Variants in ABTB3 observed in about 807,000 individuals in gnomAD.
ABTB3 encodes ankyrin repeat- and BTB/POZ domain-containing protein 3.
chr12:107,407,521 T>C, the ABTB3 span, among the ~76,000 whole-genome samples: 2 of 152,342 alleles, frequency 1.3e-5, no homozygotes, highest in African/African-American at 4.8e-5. Flanking sequence ...CTCATGGCGC[T>C]GCAGAAGTGC....
chr12:107,357,895 G>A, the ABTB3 span, among the ~76,000 whole-genome samples: 4 of 152,200 alleles, frequency 2.6e-5, no homozygotes, highest in Non-Finnish European at 4.4e-5. Flanking sequence ...AAATAACACA[G>A]TTGGCACCCA....
the ABTB3 span, among the ~76,000 whole-genome samples, chr12:107,646,413 G>C: frequency 6.6e-6 from 1 of 150,868 alleles, no homozygotes; most frequent in Non-Finnish European, 1.5e-5. Context: ...TGTTCAGGGC[G>C]GTCATTCTTA....
At chr12:107,638,423 C>G in the ABTB3 span, among the ~76,000 whole-genome samples, 1 of 152,296 alleles carries the variant, frequency 6.6e-6, no homozygotes, top group East Asian at 1.9e-4. Flanking sequence ...CCCAGGAAGA[C>G]AGGGGCTTGG....
the ABTB3 span, among the ~76,000 whole-genome samples, chr12:107,586,416 TTC>T: frequency 1.3e-5 from 2 of 152,048 alleles, no homozygotes; most frequent in Non-Finnish European, 2.9e-5. Flanking sequence ...AGTCAGAAAC[TTC>T]TCTCTCCTCT....
the ABTB3 span, among the ~76,000 whole-genome samples, chr12:107,539,462 A>G: frequency 6.6e-6 from 1 of 152,082 alleles, no homozygotes; most frequent in Non-Finnish European, 1.5e-5. Context: ...TCTCTAAAAC[A>G]TGAGAATGGA....
At chr12:107,322,237 G>A in the ABTB3 span, among the ~76,000 whole-genome samples, 31 of 152,148 alleles carry the variant, frequency 2.0e-4, no homozygotes, top group Non-Finnish European at 3.4e-4. Flanking sequence ...AGTGTGTGAC[G>A]GTTGGGGTTT....
chr12:107,521,175 A>G, the ABTB3 span, among the ~76,000 whole-genome samples: 1 of 152,080 alleles, frequency 6.6e-6, no homozygotes, highest in Non-Finnish European at 1.5e-5. Context: ...TGAGATAATT[A>G]TCGTTGGCTA....
At chr12:107,427,386 A>G in the ABTB3 span, among the ~76,000 whole-genome samples, 2 of 148,892 alleles carry the variant, frequency 1.3e-5, no homozygotes, top group African/African-American at 5.0e-5. Context: ...GGCACAAACC[A>G]CCCTCCCGCC....
chr12:107,365,595 G>A, the ABTB3 span, among the ~76,000 whole-genome samples: 2 of 152,114 alleles, frequency 1.3e-5, no homozygotes, highest in Admixed American at 1.3e-4. Flanking sequence ...GGGTATGTAG[G>A]GGCTGTGCAG....
At chr12:107,504,734 C>T in the ABTB3 span, among the ~76,000 whole-genome samples, 1 of 152,160 alleles carries the variant, frequency 6.6e-6, no homozygotes, top group Non-Finnish European at 1.5e-5. Flanking sequence ...ACACCAGTCT[C>T]CACTATAGAG....
the ABTB3 span, among the ~76,000 whole-genome samples, chr12:107,393,134 C>A: frequency 6.6e-6 from 1 of 152,178 alleles, no homozygotes; most frequent in Non-Finnish European, 1.5e-5. Flanking sequence ...ACTCAGGAAA[C>A]GCTTCCTTGA....
At chr12:107,329,323 C>A in the ABTB3 span, among the ~76,000 whole-genome samples, 1 of 152,132 alleles carries the variant, frequency 6.6e-6, no homozygotes, top group African/African-American at 2.4e-5. Flanking sequence ...CAAGTCAGTT[C>A]ATCTTTCCCA....
chr12:107,318,712 C>T, the ABTB3 span: 115 of 503,144 alleles, frequency 2.3e-4, 1 homozygote, highest in Non-Finnish European at 3.6e-4. Flanking sequence ...CCCATTGCGC[C>T]CAGCTCCGGC....
the ABTB3 span, among the ~76,000 whole-genome samples, chr12:107,380,452 T>C: frequency 6.6e-6 from 1 of 152,222 alleles, no homozygotes; most frequent in African/African-American, 2.4e-5. Context: ...TGGCCCCTTC[T>C]TGGTCAGGGA....
At chr12:107,648,038 G>A in the ABTB3 span, among the ~76,000 whole-genome samples, 11 of 152,174 alleles carry the variant, frequency 7.2e-5, no homozygotes, top group African/African-American at 2.7e-4. Context: ...TGCCCACACA[G>A]CTGCCTTAGA....
the ABTB3 span, among the ~76,000 whole-genome samples, chr12:107,332,981 C>T: frequency 2.0e-4 from 30 of 152,274 alleles, no homozygotes; most frequent in African/African-American, 7.0e-4. Context: ...AGAAGTTTCT[C>T]AGTAGGAGAC....
At chr12:107,581,771 T>A in the ABTB3 span, among the ~76,000 whole-genome samples, 1 of 152,126 alleles carries the variant, frequency 6.6e-6, no homozygotes, top group Non-Finnish European at 1.5e-5. Context: ...TCTGTCAAGG[T>A]GGGAATTACC....
the ABTB3 span, among the ~76,000 whole-genome samples, chr12:107,424,067 G>T: frequency 6.6e-6 from 1 of 152,176 alleles, no homozygotes; most frequent in Admixed American, 6.5e-5. Context: ...CGTGACGTGG[G>T]AGGACTCAGC....
the ABTB3 span, among the ~76,000 whole-genome samples, chr12:107,624,496 C>T: frequency 0.014 from 2,134 of 152,260 alleles, 47 homozygotes; most frequent in African/African-American, 0.048. Flanking sequence ...ACACCCACTT[C>T]CCTCCTGCCT....
Sources: allele counts gnomAD v4.1 joint callset (sites outside exome capture counted in the v4.1 genomes callset), GRCh38; gene constraint gnomAD v4.1.1; transcripts MANE v1.5; gene names NCBI Gene and HGNC (gene_info 2026-07-23, HGNC 2026-07-21).